The following NXPE2 variants were observed in gnomAD, a reference collection of about 807,000 sequenced individuals.
The protein encoded by NXPE2 is NXPE family member 2.
NXPE2 carries 34 observed loss-of-function variants against 34.4 expected under a neutral mutation model. The ratio of observed to expected loss-of-function variants is 0.99; its 90% CI spans 0.75 to 1.31. The LOEUF (loss-of-function observed/expected upper bound fraction) is 1.31, where lower values mean the gene tolerates loss of function less well. Among genes scored for constraint, NXPE2 ranks in the 40% most tolerant of loss-of-function variants. NXPE2 has a pLI of 0.00. For synonymous variants in NXPE2, 235 were observed against 231.3 expected (o/e 1.02, Z -0.15); for missense variants, 649 against 672.5 (o/e 0.97, Z 0.39).
At chr11:114,667,390 A>G in the NXPE2 span, among the ~76,000 whole-genome samples, 14,044 of 152,222 alleles carry the variant, frequency 0.092, 769 homozygotes, top group Middle Eastern at 0.2. Context: ...AGACTTCTAA[A>G]TGTTAATTCA....
At chr11:114,748,350 A>G in the NXPE2 span, among the ~76,000 whole-genome samples, 1 of 152,192 alleles carries the variant, frequency 6.6e-6, no homozygotes, top group African/African-American at 2.4e-5. Context: ...CTGCAACATC[A>G]AGAAATTAAC....
the NXPE2 span, among the ~76,000 whole-genome samples, chr11:114,473,818 A>T: frequency 6.6e-6 from 1 of 152,224 alleles, no homozygotes; most frequent in Non-Finnish European, 1.5e-5. Context: ...CCTGCTGCAG[A>T]TTAATTCTGT....
the NXPE2 span, among the ~76,000 whole-genome samples, chr11:114,591,846 T>A: frequency 6.6e-6 from 1 of 152,176 alleles, no homozygotes; most frequent in Non-Finnish European, 1.5e-5. Flanking sequence ...ATGCAAGGAT[T>A]ATCTGAGATA....
At chr11:114,581,655 C>A in the NXPE2 span, 2 of 1,262,768 alleles carry the variant, frequency 1.6e-6, no homozygotes, top group East Asian at 2.4e-5. Context: ...TGAACAAATC[C>A]AGTAGAAAGA....
chr11:114,483,763 T>C, the NXPE2 span, among the ~76,000 whole-genome samples: 2 of 152,170 alleles, frequency 1.3e-5, no homozygotes, highest in Non-Finnish European at 2.9e-5. Context: ...TCTTAGAGGA[T>C]TCCTCTCCCT....
At chr11:114,647,960 A>G in the NXPE2 span, among the ~76,000 whole-genome samples, 1 of 152,116 alleles carries the variant, frequency 6.6e-6, no homozygotes, top group Non-Finnish European at 1.5e-5. Flanking sequence ...TTGGCCTCCC[A>G]AAGTTCTGGG....
chr11:114,553,163 A>T, the NXPE2 span, among the ~76,000 whole-genome samples: 1 of 152,074 alleles, frequency 6.6e-6, no homozygotes, highest in African/African-American at 2.4e-5. Flanking sequence ...AATCGTTTTC[A>T]TTGATAATTT....
the NXPE2 span, among the ~76,000 whole-genome samples, chr11:114,647,645 T>C: frequency 1.3e-5 from 2 of 152,150 alleles, no homozygotes; most frequent in Admixed American, 6.6e-5. Flanking sequence ...TGGTTATTTA[T>C]TCTGATTCTG....
the NXPE2 span, among the ~76,000 whole-genome samples, chr11:114,722,017 G>A: frequency 6.6e-6 from 1 of 152,208 alleles, no homozygotes; most frequent in African/African-American, 2.4e-5. Flanking sequence ...AGTTTAAAAA[G>A]AGGAGGCAGT....
At chr11:114,500,350 C>T in the NXPE2 span, among the ~76,000 whole-genome samples, 3 of 151,964 alleles carry the variant, frequency 2.0e-5, no homozygotes, top group Non-Finnish European at 2.9e-5. Flanking sequence ...TTTGTATTTG[C>T]TTGATGGATA....
chr11:114,593,477 T>C, the NXPE2 span, among the ~76,000 whole-genome samples: 1 of 152,120 alleles, frequency 6.6e-6, no homozygotes, highest in East Asian at 1.9e-4. Flanking sequence ...CAGTGTAATA[T>C]AATCTCACTC....
chr11:114,696,215 C>T (rs766079735), intron 2 of NXPE2, among the ~76,000 whole-genome samples: 1 of 151,302 alleles, frequency 6.6e-6, no homozygotes, highest in Non-Finnish European at 1.5e-5. Flanking sequence ...GCTCACACTA[C>T]CTAGGTAGCT....
chr11:114,786,461 A>G, the NXPE2 span, among the ~76,000 whole-genome samples: 1 of 149,254 alleles, frequency 6.7e-6, no homozygotes, highest in African/African-American at 2.5e-5. Context: ...CACTGACCGG[A>G]TATTTGTTTG....
rs80191109 is a variant in NXPE2 at position 114,701,875 on chromosome 11, G to T, written c.867-2116G>T. On this transcript the variant is annotated intron_variant, in intron 3 of 5. Coordinates refer to ENST00000389586, the MANE Select transcript of NXPE2 (RefSeq NM_182495.6). ...GGATGCAAAACCTAATATATGGAGA[G>T]CTGACTTTTCACATACTTGGGTTCC... Among the ~76,000 whole-genome samples the T allele has an allele frequency of 8.6e-3, 1,314 of 152,308 alleles. 14 individuals are homozygous for T. The highest frequency in any genetic ancestry group is 0.011 in the Non-Finnish European group (771 of 68,022).
At chr11:114,578,639 C>T in the NXPE2 span, among the ~76,000 whole-genome samples, 1 of 152,138 alleles carries the variant, frequency 6.6e-6, no homozygotes, top group African/African-American at 2.4e-5. Flanking sequence ...TGAGTGGCCT[C>T]ATTTTAGGAA....
chr11:114,673,738 T>C (rs1950825789), upstream of NXPE2, among the ~76,000 whole-genome samples: 1 of 151,860 alleles, frequency 6.6e-6, no homozygotes, highest in Admixed American at 6.6e-5. Flanking sequence ...TGCTTTCCTT[T>C]TGTTCCCAAA....
the NXPE2 span, among the ~76,000 whole-genome samples, chr11:114,778,315 C>T: frequency 6.6e-6 from 1 of 152,166 alleles, no homozygotes; most frequent in African/African-American, 2.4e-5. Context: ...GGGTCAAAAT[C>T]ATGCAGGGTC....
chr11:114,614,063 G>A, the NXPE2 span, among the ~76,000 whole-genome samples: 206 of 151,732 alleles, frequency 1.4e-3, 1 homozygote, highest in Admixed American at 8.6e-3. Context: ...AATAAGTGTC[G>A]CCTCATGCAT....
rs1229004930 is a variant in NXPE2, at chr11:114,704,056, A to C, written c.928+4A>C. 6.5e-7 allele frequency: 1 copy of C among 1,547,040 alleles called. No individual in the cohort carries two copies. Among genetic ancestry groups the C allele is most frequent in the Non-Finnish European group, 8.8e-7 (1 of 1,142,370 alleles). ...ATTGAGGTCATACCATGCAACAGTAAGTCTGGAGTGTTGTTGTCTGCCATG... is the reference window on the plus strand; with the variant it reads ...ATTGAGGTCATACCATGCAACAGTACGTCTGGAGTGTTGTTGTCTGCCATG... On this transcript the variant is annotated splice_donor_region_variant and intron_variant, in intron 4 of 5. Transcript: ENST00000389586.
Sources: gnomAD v4.1 joint callset for allele counts (sites outside exome capture counted in the v4.1 genomes callset) on GRCh38, gnomAD v4.1.1 for gene constraint, MANE v1.5 for transcripts, NCBI Gene and HGNC (gene_info 2026-07-23, HGNC 2026-07-21) for gene names.